MED27: variants seen among roughly 807,000 people sequenced by gnomAD.
MED27 encodes the protein mediator of RNA polymerase II transcription subunit 27.
MED27 carries 30 observed loss-of-function variants against 38.2 expected under a neutral mutation model. The ratio of observed to expected loss-of-function variants is 0.79; its 90% CI spans 0.59 to 1.07. The LOEUF is 1.07. MED27 is among the 50% of genes least tolerant of loss of function. The probability of loss-of-function intolerance (pLI) is 0.00; values close to 1 mark genes in which losing one functional copy is unlikely to be tolerated. For missense variants in MED27, 289 were observed against 397.5 expected, an observed-to-expected ratio of 0.73 and a Z score of 2.32; for synonymous variants, 122 against 153.5, an observed-to-expected ratio of 0.79 and a Z score of 1.52.
chr9:131,879,797 G>C (rs1310454148), intron 6 of MED27, among the ~76,000 whole-genome samples: 2 of 152,218 alleles, frequency 1.3e-5, no homozygotes, highest in Non-Finnish European at 2.9e-5. Flanking sequence ...CTCCCAAACA[G>C]CGTCTTTCTG....
At chr9:131,977,407 G>C (rs1007716763) in intron 3 of MED27, among the ~76,000 whole-genome samples, 4 of 152,198 alleles carry the variant, frequency 2.6e-5, no homozygotes, top group African/African-American at 9.6e-5. Flanking sequence ...CATTTTCCTT[G>C]TCTGTAAGAG....
At chr9:131,906,830 TAC>T (rs1301977306) in intron 4 of MED27, among the ~76,000 whole-genome samples, 2 of 152,186 alleles carry the variant, frequency 1.3e-5, no homozygotes, top group Non-Finnish European at 2.9e-5. Context: ...TGACTATACT[TAC>T]AGTTTCTTCT....
At chr9:132,068,110 AGTG>A (rs1051834997) in intron 2 of MED27, among the ~76,000 whole-genome samples, 1 of 152,200 alleles carries the variant, frequency 6.6e-6, no homozygotes. Flanking sequence ...TAGAAGAACA[AGTG>A]GTGCTAGACC....
intron 3 of MED27, among the ~76,000 whole-genome samples, chr9:131,956,370 C>G (rs1482506616): frequency 6.6e-6 from 1 of 152,136 alleles, no homozygotes; most frequent in Non-Finnish European, 1.5e-5. Flanking sequence ...TGTAAATGCA[C>G]TTCGGGAGGC....
chr9:131,869,289 T>C (rs1838787912), intron 6 of MED27: 1 of 985,234 alleles, frequency 1.0e-6, no homozygotes, highest in South Asian at 4.7e-5. Context: ...TCTTCCGTCT[T>C]GTCAAAGCAC....
intron 3 of MED27, among the ~76,000 whole-genome samples, chr9:131,968,113 C>T (rs929133846): frequency 2.6e-5 from 4 of 152,088 alleles, no homozygotes; most frequent in Non-Finnish European, 5.9e-5. Context: ...AGCCACCACC[C>T]CCGGCCTCAT....
intron 2 of MED27, among the ~76,000 whole-genome samples, chr9:132,021,836 C>A (rs1183598000): frequency 6.6e-6 from 1 of 152,194 alleles, no homozygotes. Context: ...GATCAGATTT[C>A]TCTCTCTCCA....
At chr9:131,936,053 A>C (rs979568590) in intron 4 of MED27, among the ~76,000 whole-genome samples, 1 of 150,814 alleles carries the variant, frequency 6.6e-6, no homozygotes, top group Non-Finnish European at 1.5e-5. Context: ...GGATTGCTTG[A>C]GCCCAGGCGG....
chr9:131,954,375 T>C (rs942590301), intron 3 of MED27, among the ~76,000 whole-genome samples: 1 of 152,088 alleles, frequency 6.6e-6, no homozygotes, highest in African/African-American at 2.4e-5. Flanking sequence ...CCTTTTGCCC[T>C]TTTCAAAGGA....
intron 3 of MED27, among the ~76,000 whole-genome samples, chr9:131,948,608 C>G (rs902201145): frequency 6.6e-6 from 1 of 152,066 alleles, no homozygotes; most frequent in Non-Finnish European, 1.5e-5. Context: ...GAAATAAACA[C>G]ACACTAGCTT....
chr9:132,024,298 G>A (rs1472779399), intron 2 of MED27, among the ~76,000 whole-genome samples: 1 of 152,182 alleles, frequency 6.6e-6, no homozygotes, highest in African/African-American at 2.4e-5. Flanking sequence ...AAATCCATGG[G>A]GGGCAGTATT....
At chr9:131,894,880 T>G (rs748428971) in intron 4 of MED27, among the ~76,000 whole-genome samples, 1 of 152,166 alleles carries the variant, frequency 6.6e-6, no homozygotes, top group Non-Finnish European at 1.5e-5. Flanking sequence ...GCTGGGTTCA[T>G]TCTCGACATA....
chr9:131,867,031 C>T (rs148460195), intron 6 of MED27, among the ~76,000 whole-genome samples: 2 of 152,218 alleles, frequency 1.3e-5, no homozygotes, highest in South Asian at 2.1e-4. Flanking sequence ...TGTCTCCTTG[C>T]CTGGCTCTCT....
At chr9:132,052,443 G>A (rs1466224268) in intron 2 of MED27, among the ~76,000 whole-genome samples, 1 of 152,106 alleles carries the variant, frequency 6.6e-6, no homozygotes, top group Admixed American at 6.5e-5. Context: ...ACATTTCAAA[G>A]CTAAGATTTA....
chr9:132,040,456 T>G (rs71503134), intron 2 of MED27, among the ~76,000 whole-genome samples: 43 of 152,270 alleles, frequency 2.8e-4, no homozygotes, highest in African/African-American at 9.9e-4. Context: ...CGGCTCCACA[T>G]GCAGAGAAGG....
chr9:132,061,334 G>A (rs1307300939), intron 2 of MED27, among the ~76,000 whole-genome samples: 2 of 152,224 alleles, frequency 1.3e-5, no homozygotes, highest in Admixed American at 6.5e-5. Context: ...AGCCAGCATG[G>A]TTAGAACTGG....
intron 4 of MED27, among the ~76,000 whole-genome samples, chr9:131,920,675 C>T (rs1830373262): frequency 6.6e-6 from 1 of 152,042 alleles, no homozygotes; most frequent in African/African-American, 2.4e-5. Context: ...TAGTCAGTTG[C>T]ACTTGGTGGT....
At chr9:131,962,159 C>T (rs1394087731) in intron 3 of MED27, among the ~76,000 whole-genome samples, 1 of 152,182 alleles carries the variant, frequency 6.6e-6, no homozygotes, top group Non-Finnish European at 1.5e-5. Context: ...TACTGATAAG[C>T]ATTGTGAACC....
intron 3 of MED27, among the ~76,000 whole-genome samples, chr9:132,007,943 C>T (rs1268040969): frequency 6.6e-6 from 1 of 152,016 alleles, no homozygotes; most frequent in Non-Finnish European, 1.5e-5. Context: ...AACTGCCTGT[C>T]CCCACAACTT....
Sources: gnomAD v4.1 joint callset for allele counts (sites outside exome capture counted in the v4.1 genomes callset) on GRCh38, gnomAD v4.1.1 for gene constraint, MANE v1.5 for transcripts, NCBI Gene and HGNC (gene_info 2026-07-23, HGNC 2026-07-21) for gene names.